OGDHL: variants seen among roughly 807,000 people sequenced by gnomAD.
OGDHL encodes 2-oxoglutarate dehydrogenase-like, mitochondrial.
In OGDHL, 79 loss-of-function variants were observed where a neutral mutation model predicts 109.6. The ratio of observed to expected loss-of-function variants is 0.72; its 90% CI spans 0.60 to 0.87. The LOEUF is 0.87. OGDHL is among the 40% of genes least tolerant of loss of function. OGDHL has a pLI of 0.00. For synonymous variants in OGDHL, 528 were observed against 537.2 expected, an observed-to-expected ratio of 0.98 and a Z score of 0.24; for missense variants, 1,275 against 1,362.2, an observed-to-expected ratio of 0.94 and a Z score of 1.01.
intron 8 of OGDHL, among the ~76,000 whole-genome samples, chr10:49,748,138 C>T (rs951386896): frequency 2.6e-5 from 4 of 152,110 alleles, no homozygotes; most frequent in Non-Finnish European, 5.9e-5. Flanking sequence ...CTGCACTGCT[C>T]GGACACCATC....
At position 49,743,012 on chromosome 10, in the gene OGDHL, G is replaced by A. The variant is rs1385169506; in HGVS notation, c.1862-34C>T. 3.1e-6 allele frequency: 5 copies of A among 1,605,796 alleles called. No homozygotes were observed. In the Admixed American group the frequency reaches 6.7e-5, roughly 21 times the overall value. Reference sequence around the variant, plus strand: ...AAGGAGTGCTGGCCTGAGGGCCAAGGGACAGCCAGCCCTGGGGCGGGTAGG... The same window carrying A: ...AAGGAGTGCTGGCCTGAGGGCCAAGAGACAGCCAGCCCTGGGGCGGGTAGG... On this transcript the variant is annotated intron_variant, in intron 14 of 22. Transcript: ENST00000374103.
rs1258256 is a variant in OGDHL, at chr10:49,735,140, C to T, written c.*88G>A. The T allele has an allele frequency of 0.46, 702,664 of 1,537,120 alleles. 170,600 individuals are homozygous for T. Among genetic ancestry groups the T allele is most frequent in the East Asian group, 0.87 (38,404 of 44,158 alleles). ...ATCCTGGGGCCCCACAGCCCCTCTC[C>T]TGGGCAGGAGCTCCGCCCCTCCCCT... On this transcript the variant is annotated 3_prime_UTR_variant, in exon 23 of 23. Transcript: ENST00000374103.
intron 8 of OGDHL, 100 bp downstream of exon 8, chr10:49,749,626 G>C: frequency 1.9e-6 from 2 of 1,026,702 alleles, no homozygotes; most frequent in Non-Finnish European, 2.8e-6. Context: ...TCCATCTTAA[G>C]GTTTATCTCA....
At chr10:49,751,712 C>T (rs578133671) in intron 6 of OGDHL, 115 bp downstream of exon 6, 65 of 1,357,106 alleles carry the variant, frequency 4.8e-5, no homozygotes, top group Admixed American at 8.2e-5. Flanking sequence ...GTGGTGAGGC[C>T]GATCCAGTCC....
chr10:49,744,526 G>T, intron 13 of OGDHL, 124 bp downstream of exon 13: 1 of 743,024 alleles, frequency 1.3e-6, no homozygotes. Flanking sequence ...GGGACTCAGT[G>T]ATAGAGCCTG....
At chr10:49,740,549 C>T (rs12267625) in intron 16 of OGDHL, among the ~76,000 whole-genome samples, 161 bp downstream of exon 16, 2,765 of 152,196 alleles carry the variant, frequency 0.018, 74 homozygotes, top group African/African-American at 0.062. Flanking sequence ...CCCACATGGC[C>T]TTAGGTGAGG....
At chr10:49,735,636 C>T (rs1217085083) in intron 22 of OGDHL, among the ~76,000 whole-genome samples, 1 of 152,240 alleles carries the variant, frequency 6.6e-6, no homozygotes, top group African/African-American at 2.4e-5. Context: ...GACAAACATA[C>T]TTTTGGCTTC....
At chr10:49,761,893 C>G (rs1588826271) in intron 1 of OGDHL, among the ~76,000 whole-genome samples, 1 of 152,320 alleles carries the variant, frequency 6.6e-6, no homozygotes, top group Non-Finnish European at 1.5e-5. Flanking sequence ...CCCCGCACAG[C>G]CCTCGCAGCT....
intron 7 of OGDHL, 91 bp downstream of exon 7, chr10:49,750,748 C>T: frequency 6.9e-7 from 1 of 1,444,018 alleles, no homozygotes; most frequent in East Asian, 2.6e-5. Flanking sequence ...GTCCCACCAA[C>T]ACCTCCGCTC....
intron 8 of OGDHL, among the ~76,000 whole-genome samples, chr10:49,749,521 C>T (rs1842439555): frequency 6.6e-6 from 1 of 152,108 alleles, no homozygotes. Context: ...ATCTGAGGGC[C>T]CTCCCAGCTA....
intron 1 of OGDHL, among the ~76,000 whole-genome samples, chr10:49,759,507 C>A (rs1385332709): frequency 9.2e-6 from 1 of 108,818 alleles, no homozygotes; most frequent in Non-Finnish European, 1.9e-5. Context: ...CTCTATTCCG[C>A]AGACGGTAAG....
At position 49,745,436 on chromosome 10, in the gene OGDHL, T is replaced by C; in HGVS notation, c.1537A>G (p.Met513Val). The C allele has an allele frequency of 1.2e-6, 2 of 1,614,182 alleles. No individual in the cohort carries two copies. Among genetic ancestry groups the C allele is most frequent in the Non-Finnish European group, 1.7e-6 (2 of 1,180,038 alleles). ...MDEPMFTQPL[M>V]YKQIHRQVPV... ...ACCTGTCTGTGGATCTGCTTGTACATGAGCGGCTGGGTGAACATGGGCTCG... is the reference window on the plus strand; with the variant it reads ...ACCTGTCTGTGGATCTGCTTGTACACGAGCGGCTGGGTGAACATGGGCTCG... The change falls in exon 12 of 23, where the codon ATG becomes GTG. Residue 513 changes from methionine to valine, a missense_variant. By Grantham distance (21) the Met-to-Val change is conservative. Coordinates refer to ENST00000374103, the MANE Select transcript of OGDHL (RefSeq NM_018245.3).
In OGDHL at chr10:49,752,695, C is replaced by T. The variant is rs747374874; in HGVS notation, c.421G>A (p.Asp141Asn). 1 of 1,614,180 alleles carries T rather than the reference C, an allele frequency of 6.2e-7. No individual in the cohort carries two copies. Among genetic ancestry groups the T allele is most frequent in the South Asian group, 1.1e-5 (1 of 91,078 alleles). Residue 141 changes from aspartate to asparagine, a missense_variant, in exon 4 of 23, where the codon GAT becomes AAT. Transcript: ENST00000374103. The part of the protein sequence containing the change: ...VAQLDPLGIL[D>N]ADLDSFVPSD... The stretch of plus-strand genomic sequence containing the variant: ...GGCACAAAGGAGTCCAGGTCTGCAT[C>T]CAGAATGCCCAGGGGGTCCAGCTGG...
rs1460120882 is a variant in OGDHL, at chr10:49,739,768, G to A, written c.2212C>T (p.His738Tyr). ...VLWEAQFGDF[H>Y]NTAQCIIDQF... ...TCGATGATGCACTGGGCCGTGTTGT[G>A]GAAGTCCCCAAACTGGGCCTCCCAG... The change falls in exon 17 of 23, where the codon CAC (histidine) becomes TAC (tyrosine). Residue 738 changes from histidine to tyrosine, a missense_variant. By Grantham distance (83) the His-to-Tyr change is moderately conservative. Transcript: ENST00000374103. The A allele has an allele frequency of 5.0e-6, 8 of 1,614,144 alleles. No individual in the cohort carries two copies. The highest frequency in any genetic ancestry group is 3.4e-6 in the Non-Finnish European group (4 of 1,179,998).
In OGDHL at chr10:49,735,143, G is replaced by C. The variant is rs915762372; in HGVS notation, c.*85C>G. On this transcript the variant is annotated 3_prime_UTR_variant, in exon 23 of 23. Coordinates refer to ENST00000374103, the MANE Select transcript of OGDHL (RefSeq NM_018245.3). ...CTGGGGCCCCACAGCCCCTCTCCTG[G>C]GCAGGAGCTCCGCCCCTCCCCTTTT... is the stretch of plus-strand genomic sequence containing the variant. The C allele has an allele frequency of 2.0e-5, 31 of 1,544,138 alleles. No individual in the cohort carries two copies. The highest frequency in any genetic ancestry group is 2.5e-5 in the Non-Finnish European group (29 of 1,145,232).
chr10:49,756,716 G>T, intron 3 of OGDHL, 60 bp downstream of exon 3: 1 of 1,507,874 alleles, frequency 6.6e-7, no homozygotes. Context: ...TCCCTTCAGT[G>T]CCTGGCCACA....
At chr10:49,740,614 C>T (rs1841574999) in intron 16 of OGDHL, 96 bp downstream of exon 16, 9 of 1,445,860 alleles carry the variant, frequency 6.2e-6, no homozygotes, top group East Asian at 2.4e-5. Flanking sequence ...GAGCATCTCT[C>T]GCCCCTCCCA....
intron 10 of OGDHL, 43 bp downstream of exon 10, chr10:49,746,707 G>A: frequency 6.2e-7 from 1 of 1,605,706 alleles, no homozygotes; most frequent in Non-Finnish European, 8.5e-7. Context: ...GATTTCCAGG[G>A]ATGCTGACGC....
chr10:49,751,636 C>G (rs1258182), intron 6 of OGDHL, among the ~76,000 whole-genome samples, 191 bp downstream of exon 6: 62,920 of 152,152 alleles, frequency 0.41, 14,972 homozygotes, highest in East Asian at 0.89. Flanking sequence ...CTGACCTGCT[C>G]TGCCTTGGGC....
Sources: allele counts gnomAD v4.1 joint callset (sites outside exome capture counted in the v4.1 genomes callset), GRCh38; gene constraint gnomAD v4.1.1; transcripts MANE v1.5; gene names NCBI Gene and HGNC (gene_info 2026-07-23, HGNC 2026-07-21).